The following NALF1 variants were observed in gnomAD, a reference collection of about 807,000 sequenced individuals.
The protein encoded by NALF1 is family with sequence similarity 155 member A.
NALF1 carries 3 observed loss-of-function variants against 48.4 expected under a neutral mutation model. The observed-to-expected ratio is 0.06, with a 90% CI of 0.03 to 0.16. The LOEUF (loss-of-function observed/expected upper bound fraction) is 0.16. Ranked by LOEUF, NALF1 falls within the 10% of genes least tolerant of loss-of-function variation. The pLI, the probability that NALF1 is intolerant of heterozygous loss-of-function variation, is 1.00. For synonymous variants in NALF1, 262 were observed against 245.7 expected, an observed-to-expected ratio of 1.07 and a Z score of -0.62; for missense variants, 526 against 571.5, an observed-to-expected ratio of 0.92 and a Z score of 0.81.
At chr13:107,445,574 T>C (rs1432144987) in intron 1 of NALF1, among the ~76,000 whole-genome samples, 1 of 152,216 alleles carries the variant, frequency 6.6e-6, no homozygotes, top group African/African-American at 2.4e-5. Flanking sequence ...TTGAGACAAA[T>C]GCCCAAGATT....
At chr13:107,258,571 A>G (rs1251701580) in intron 1 of NALF1, among the ~76,000 whole-genome samples, 1 of 152,178 alleles carries the variant, frequency 6.6e-6, no homozygotes, top group African/African-American at 2.4e-5. Context: ...TAAATACATG[A>G]AATGTTATGT....
intron 1 of NALF1, among the ~76,000 whole-genome samples, chr13:107,526,637 A>G (rs1257069476): frequency 1.3e-5 from 2 of 152,178 alleles, no homozygotes; most frequent in Admixed American, 1.3e-4. Context: ...AGTGTTAGGA[A>G]TTGCTGTTTT....
At chr13:107,654,168 T>C (rs1880518629) in intron 1 of NALF1, among the ~76,000 whole-genome samples, 1 of 151,758 alleles carries the variant, frequency 6.6e-6, no homozygotes, top group Non-Finnish European at 1.5e-5. Flanking sequence ...AGAGAGAAGA[T>C]CCAAATAAGC....
chr13:107,711,047 T>G (rs1219968150), intron 1 of NALF1, among the ~76,000 whole-genome samples: 1 of 152,064 alleles, frequency 6.6e-6, no homozygotes, highest in Non-Finnish European at 1.5e-5. Context: ...ATAACATCGA[T>G]TTATCCTACA....
chr13:107,860,835 T>C lies in NALF1; in HGVS notation c.915+4847A>G, dbSNP rs553813686. 2.0e-5 allele frequency among the ~76,000 whole-genome samples: 3 copies of C among 152,346 alleles called. No individual in the cohort carries two copies. In the East Asian group the frequency reaches 5.8e-4, roughly 29 times the overall value. On this transcript the variant is annotated intron_variant, in intron 1 of 2. Coordinates refer to ENST00000375915, the MANE Select transcript of NALF1 (RefSeq NM_001080396.3). ...AAAAATATATGTTAATGAATTATGA[T>C]TTACATGTGGAGGAGAATGAGAGCA... is the stretch of plus-strand genomic sequence containing the variant.
intron 1 of NALF1, among the ~76,000 whole-genome samples, chr13:107,282,538 G>A (rs112131724): frequency 2.8e-4 from 43 of 152,272 alleles, no homozygotes; most frequent in African/African-American, 9.1e-4. Context: ...CACTAGTAGG[G>A]TTAGACTTTT....
chr13:107,263,160 C>A (rs1880967641), intron 1 of NALF1, among the ~76,000 whole-genome samples: 1 of 151,378 alleles, frequency 6.6e-6, no homozygotes, highest in Admixed American at 6.6e-5. Flanking sequence ...CATTGGTCAC[C>A]CTAGGGGAAC....
chr13:107,381,218 TG>T (rs1883433666), intron 1 of NALF1, among the ~76,000 whole-genome samples: 1 of 149,628 alleles, frequency 6.7e-6, no homozygotes, highest in Non-Finnish European at 1.5e-5. Flanking sequence ...TTTTTTTTTT[TG>T]AGACAAATTC....
At chr13:107,807,236 A>G (rs1289909012) in intron 1 of NALF1, among the ~76,000 whole-genome samples, 2 of 152,156 alleles carry the variant, frequency 1.3e-5, no homozygotes, top group African/African-American at 4.8e-5. Flanking sequence ...ATTATTTTCA[A>G]TATCTAAGAT....
chr13:107,677,745 A>G (rs1431610546), intron 1 of NALF1, among the ~76,000 whole-genome samples: 2 of 152,184 alleles, frequency 1.3e-5, no homozygotes, highest in East Asian at 3.9e-4. Flanking sequence ...TGTTTTTTCA[A>G]TCATATTATT....
At position 107,169,423 on chromosome 13, in the gene NALF1, GTTT is replaced by G. The variant is rs1878743597; in HGVS notation, c.*1071_*1073del. The G allele has an allele frequency of 1.6e-4, 2 of 12,720 alleles. No individual in the cohort carries two copies. Among genetic ancestry groups the G allele is most frequent in the African/African-American group, 1.5e-3 (2 of 1,354 alleles). The allele number at this position is 12,720 out of a possible 1,614,324, so 0.8% of individuals were successfully genotyped here. A position where few individuals can be genotyped will look rare whatever the true frequency, so the allele number is the denominator to read the frequency against. On this transcript the variant is annotated 3_prime_UTR_variant, in exon 3 of 3. Coordinates refer to ENST00000375915, the MANE Select transcript of NALF1 (RefSeq NM_001080396.3). ...CCAGATATGTGTCCGCAATCCCTTT[GTTT>G]GTTCCCTGTAATTACAATGGCCAAA...
chr13:107,308,412 CA>C (rs1195118838), intron 1 of NALF1, among the ~76,000 whole-genome samples: 2 of 151,948 alleles, frequency 1.3e-5, no homozygotes, highest in Non-Finnish European at 2.9e-5. Context: ...CCATGTTAGC[CA>C]GGATGGTCTC....
At chr13:107,811,790 C>T (rs191945351) in intron 1 of NALF1, among the ~76,000 whole-genome samples, 12 of 152,250 alleles carry the variant, frequency 7.9e-5, no homozygotes, top group African/African-American at 2.6e-4. Flanking sequence ...AACTAACCTA[C>T]TCCCATGATA....
intron 1 of NALF1, among the ~76,000 whole-genome samples, chr13:107,581,847 C>T (rs1042905996): frequency 6.6e-6 from 1 of 152,154 alleles, no homozygotes; most frequent in African/African-American, 2.4e-5. Flanking sequence ...AATAGTCTCC[C>T]ATTTTTGGTG....
chr13:107,514,801 T>C (rs1876007481), intron 1 of NALF1, among the ~76,000 whole-genome samples: 1 of 152,170 alleles, frequency 6.6e-6, no homozygotes, highest in African/African-American at 2.4e-5. Flanking sequence ...CTCCCCCACT[T>C]ATCTGCTGGC....
intron 1 of NALF1, among the ~76,000 whole-genome samples, chr13:107,738,898 G>A (rs182937379): frequency 1.1e-4 from 16 of 152,172 alleles, no homozygotes; most frequent in East Asian, 5.8e-4. Context: ...TCCCGACCTC[G>A]TGATCCGCCT....
chr13:107,801,376 G>C (rs1878607138), intron 1 of NALF1, among the ~76,000 whole-genome samples: 1 of 152,132 alleles, frequency 6.6e-6, no homozygotes, highest in Admixed American at 6.6e-5. Context: ...ATGTCGATTT[G>C]TTTTAAAATA....
At chr13:107,609,089 C>T (rs1005697366) in intron 1 of NALF1, among the ~76,000 whole-genome samples, 12 of 152,082 alleles carry the variant, frequency 7.9e-5, no homozygotes, top group East Asian at 2.0e-4. Flanking sequence ...TTCCCCCTGC[C>T]GTTGGTATAG....
At chr13:107,319,855 T>C (rs1418468139) in intron 1 of NALF1, among the ~76,000 whole-genome samples, 1 of 152,110 alleles carries the variant, frequency 6.6e-6, no homozygotes, top group Non-Finnish European at 1.5e-5. Flanking sequence ...AAGATGATGC[T>C]TGGATTCCAA....
Sources: gnomAD v4.1 joint callset for allele counts (sites outside exome capture counted in the v4.1 genomes callset) on GRCh38, gnomAD v4.1.1 for gene constraint, MANE v1.5 for transcripts, NCBI Gene and HGNC (gene_info 2026-07-23, HGNC 2026-07-21) for gene names.